The following FMR1NB variants were observed in gnomAD, a reference collection of about 807,000 sequenced individuals.
The protein encoded by FMR1NB is FMR1 neighbor.
In FMR1NB, 10 loss-of-function variants were observed where a neutral mutation model predicts 16.8. The ratio of observed to expected loss-of-function variants is 0.60; its 90% CI spans 0.37 to 1.01. FMR1NB has a LOEUF of 1.01. FMR1NB is among the 50% of genes least tolerant of loss of function. FMR1NB has a pLI of 0.01. For synonymous variants in FMR1NB, 83 were observed against 79.1 expected (o/e 1.05, Z -0.26); for missense variants, 205 against 204.8 (o/e 1.00, Z 0.00).
intron 2 of FMR1NB, among the ~76,000 whole-genome samples, chrX:148,003,848 T>C (rs2044582798): frequency 8.9e-6 from 1 of 112,054 alleles, no homozygotes; most frequent in Admixed American, 9.5e-5. Flanking sequence ...CTGAGAATTA[T>C]TAACCACAAA....
intron 4 of FMR1NB, among the ~76,000 whole-genome samples, chrX:148,011,820 T>A (rs976697679): frequency 1.8e-5 from 2 of 111,324 alleles, no homozygotes; most frequent in Non-Finnish European, 3.8e-5. Context: ...ACTGAAAAAA[T>A]CTATAACTGA....
intron 1 of FMR1NB, among the ~76,000 whole-genome samples, chrX:147,991,240 C>T (rs1225008953): frequency 1.8e-5 from 2 of 110,239 alleles, no homozygotes; most frequent in Admixed American, 9.7e-5. Flanking sequence ...CCCTCATCTC[C>T]TCTCACAAGG....
At chrX:148,024,787 T>A (rs376673005) in intron 4 of FMR1NB, 78 bp from the exon 5 acceptor site, 1 of 1,108,464 alleles carries the variant, frequency 9.0e-7, no homozygotes, top group Non-Finnish European at 1.2e-6. Context: ...GGGCAAATAT[T>A]TTTTTCCTTA....
At chrX:147,996,740 A>G (rs782027230) in intron 1 of FMR1NB, among the ~76,000 whole-genome samples, 14 of 112,357 alleles carry the variant, frequency 1.2e-4, no homozygotes, top group Non-Finnish European at 2.6e-4. Flanking sequence ...AGTCACATAT[A>G]GATGAAGCTC....
At chrX:148,018,963 C>T (rs994813437) in intron 4 of FMR1NB, among the ~76,000 whole-genome samples, 1 of 111,476 alleles carries the variant, frequency 9.0e-6, no homozygotes, top group African/African-American at 3.3e-5. Context: ...ACAATGAACT[C>T]AAACAAATTT....
intron 1 of FMR1NB, among the ~76,000 whole-genome samples, chrX:148,002,359 G>A (rs1407080540): frequency 9.0e-6 from 1 of 111,704 alleles, no homozygotes; most frequent in East Asian, 2.8e-4. Flanking sequence ...ACTGGCACTT[G>A]CCTGTACTAC....
intron 4 of FMR1NB, among the ~76,000 whole-genome samples, chrX:148,017,273 T>C (rs1418655843): frequency 9.0e-6 from 1 of 111,318 alleles, no homozygotes; most frequent in Non-Finnish European, 1.9e-5. Flanking sequence ...TTTGTTTCTT[T>C]TCTCTTAGTG....
intron 1 of FMR1NB, among the ~76,000 whole-genome samples, chrX:147,988,949 A>G (rs1420047548): frequency 9.0e-6 from 1 of 111,540 alleles, no homozygotes; most frequent in Non-Finnish European, 1.9e-5. Context: ...ATTAGATTAG[A>G]ACATGCTCCT....
At chrX:148,011,594 C>T (rs1410598368) in intron 4 of FMR1NB, among the ~76,000 whole-genome samples, 2 of 111,227 alleles carry the variant, frequency 1.8e-5, no homozygotes, top group Admixed American at 9.6e-5. Flanking sequence ...CAATAACTTA[C>T]AAAAGTTTTG....
chrX:148,024,886 A>G lies in FMR1NB; in HGVS notation c.654A>G (p.Gln218=), dbSNP rs1603089997. ...ACAGCGAACCGGCCGATGATTTACA[A>G]AGGCAGGACAACAGAGTTGTAACGG... ...FWRSEPADDL[Q]RQDNRVVTGL... is the part of the protein sequence containing the mutation. The change falls in exon 5 of 6, where the codon CAA becomes CAG. Residue 218 remains glutamine, a synonymous_variant. Coordinates refer to ENST00000370467, the MANE Select transcript of FMR1NB (RefSeq NM_152578.3). 3.3e-6 allele frequency: 4 copies of G among 1,208,545 alleles called. No individual in the cohort carries two copies. In the Admixed American group the frequency reaches 8.8e-5, roughly 27 times the overall value.
rs782264553 is a variant in FMR1NB at position 148,024,977 on chromosome X, C to T, written c.745C>T (p.Arg249Cys). The T allele has an allele frequency of 3.3e-6, 4 of 1,210,227 alleles. No homozygotes were observed. Among genetic ancestry groups the T allele is most frequent in the Middle Eastern group, 2.3e-4 (1 of 4,348 alleles). Residue 249 changes from arginine (R) to cysteine (C), a missense_variant, in exon 5 of 6, where the codon CGT (arginine) becomes TGT (cysteine). Arg to Cys is a radical substitution (Grantham distance 180, BLOSUM62 -3). Coordinates refer to ENST00000370467, the MANE Select transcript of FMR1NB (RefSeq NM_152578.3). The part of the protein sequence containing the change: ...SEMLQKAARG[R>C]EEHGDE ...AATGTTACAGAAAGCAGCAAGAGGACGTGAGGAACATGGTGACGAGTAGCA... is the reference window on the plus strand; with the variant it reads ...AATGTTACAGAAAGCAGCAAGAGGATGTGAGGAACATGGTGACGAGTAGCA...
intron 2 of FMR1NB, among the ~76,000 whole-genome samples, chrX:148,003,622 C>T (rs912449926): frequency 8.9e-6 from 1 of 112,384 alleles, no homozygotes; most frequent in Non-Finnish European, 1.9e-5. Context: ...TAATCTTTCA[C>T]AATTTGCCTG....
At chrX:148,001,054 A>C (rs2044567913) in intron 1 of FMR1NB, among the ~76,000 whole-genome samples, 1 of 112,144 alleles carries the variant, frequency 8.9e-6, no homozygotes, top group Non-Finnish European at 1.9e-5. Flanking sequence ...TAGCTCTCTT[A>C]CATACCATCA....
chrX:148,024,739 G>T (rs2047980302), intron 4 of FMR1NB, 126 bp from the exon 5 acceptor site: 1 of 796,009 alleles, frequency 1.3e-6, no homozygotes, highest in Non-Finnish European at 1.8e-6. Flanking sequence ...ATTAAATCTG[G>T]TGAGTTAAAA....
At chrX:147,998,002 G>C (rs782646478) in intron 1 of FMR1NB, among the ~76,000 whole-genome samples, 16 of 112,596 alleles carry the variant, frequency 1.4e-4, no homozygotes, top group Non-Finnish European at 2.2e-4. Flanking sequence ...TTACACTGTT[G>C]ATGGGAGTAT....
At chrX:148,001,379 T>C (rs919412250) in intron 1 of FMR1NB, among the ~76,000 whole-genome samples, 7 of 112,168 alleles carry the variant, frequency 6.2e-5, no homozygotes, top group Admixed American at 9.5e-5. Context: ...ATTTAGAATT[T>C]TTTTTGACTT....
At chrX:148,012,078 T>C (rs782719237) in intron 4 of FMR1NB, among the ~76,000 whole-genome samples, 60 of 111,678 alleles carry the variant, frequency 5.4e-4, no homozygotes, top group Non-Finnish European at 8.3e-4. Context: ...CTTCATTAGG[T>C]ATAAGTGTCA....
intron 4 of FMR1NB, among the ~76,000 whole-genome samples, chrX:148,019,030 CT>C (rs1326459547): frequency 1.8e-5 from 2 of 111,716 alleles, no homozygotes; most frequent in Non-Finnish European, 3.8e-5. Flanking sequence ...GAACAGACAC[CT>C]TTTGAGACTA....
chrX:148,000,042 A>G (rs2044563189), intron 1 of FMR1NB, among the ~76,000 whole-genome samples: 1 of 111,730 alleles, frequency 9.0e-6, no homozygotes, highest in Admixed American at 9.6e-5. Context: ...TTTAACATTT[A>G]TAATAGAGTT....
Sources: allele counts gnomAD v4.1 joint callset (sites outside exome capture counted in the v4.1 genomes callset), GRCh38; gene constraint gnomAD v4.1.1; transcripts MANE v1.5; gene names NCBI Gene and HGNC (gene_info 2026-07-23, HGNC 2026-07-21).